DHRS3: variants seen among roughly 807,000 people sequenced by gnomAD.
DHRS3 encodes short-chain dehydrogenase/reductase 3.
Under a neutral mutation model 27.2 loss-of-function variants are expected in DHRS3, and 14 were observed. The observed-to-expected ratio is 0.52, with a 90% CI of 0.34 to 0.81. The LOEUF (loss-of-function observed/expected upper bound fraction) is 0.81. DHRS3 is among the 30% of genes least tolerant of loss of function. The pLI, the probability that DHRS3 is intolerant of heterozygous loss-of-function variation, is 0.01. For synonymous variants in DHRS3, 165 were observed against 175.9 expected (o/e 0.94, Z 0.49); for missense variants, 322 against 406.2 (o/e 0.79, Z 1.78).
At chr1:12,614,107 G>A (rs974710410) in intron 1 of DHRS3, among the ~76,000 whole-genome samples, 29 of 152,244 alleles carry the variant, frequency 1.9e-4, no homozygotes, top group African/African-American at 4.8e-4. Flanking sequence ...TTAGGCCCAC[G>A]TATGTTGCCC....
rs1279676756 is a variant in DHRS3 at position 12,593,154 on chromosome 1, C to T, written c.196-12488G>A. On this transcript the variant is annotated intron_variant, in intron 1 of 5. Coordinates refer to ENST00000616661, the MANE Select transcript of DHRS3 (RefSeq NM_004753.7). This position sits in a 1 kb window ranked among gnomAD's most constrained non-coding sequence, Gnocchi z 4.6. ...CCCTGCTTATGACTACTGATGGCTG[C>T]CCATCTCACAGACTGGAATCTAGTG... Among the ~76,000 whole-genome samples the T allele has an allele frequency of 6.6e-6, 1 of 152,168 alleles. No individual in the cohort carries two copies. Among genetic ancestry groups the T allele is most frequent in the Admixed American group, 6.5e-5 (1 of 15,282 alleles).
In DHRS3 at chr1:12,592,165, T is replaced by C. The variant is rs960859970; in HGVS notation, c.196-11499A>G. 2.6e-5 allele frequency among the ~76,000 whole-genome samples: 4 copies of C among 152,318 alleles called. No individual in the cohort carries two copies. The highest frequency in any genetic ancestry group is 4.1e-4 in the South Asian group (2 of 4,830). On this transcript the variant is annotated intron_variant, in intron 1 of 5. Transcript: ENST00000616661. This position sits in a 1 kb window ranked among gnomAD's most constrained non-coding sequence, Gnocchi z 4.2. ...CTCACCGCCACCACAGTGAACAATC[T>C]GTGGACCTTTACTGCAGGCTGGATC...
At position 12,574,590 on chromosome 1, in the gene DHRS3, C is replaced by T. The variant is rs925198611; in HGVS notation, c.699-1737G>A. Among the ~76,000 whole-genome samples, 7 of 152,152 alleles carry T rather than the reference C, an allele frequency of 4.6e-5. No homozygotes were observed. In the East Asian group the frequency reaches 9.6e-4, roughly 21 times the overall value. The stretch of plus-strand genomic sequence containing the variant: ...ACTGGAGTCCTACAGGTGTCGTGGG[C>T]GGTCTGGATTCTCTGGCTTCCACCT... On this transcript the variant is annotated intron_variant, in intron 4 of 5. Transcript: ENST00000616661. This position sits in a 1 kb window ranked among gnomAD's most constrained non-coding sequence, Gnocchi z 4.6.
At chr1:12,576,150 A>G (rs1270392709) in intron 4 of DHRS3, among the ~76,000 whole-genome samples, 1 of 152,172 alleles carries the variant, frequency 6.6e-6, no homozygotes, top group East Asian at 1.9e-4. Flanking sequence ...TGGCAGGAAA[A>G]CCTTGAATTT....
At chr1:12,596,537 T>C (rs542179631) in intron 1 of DHRS3, among the ~76,000 whole-genome samples, 1 of 151,908 alleles carries the variant, frequency 6.6e-6, no homozygotes, top group Admixed American at 6.5e-5. Context: ...GGGGGCCTGT[T>C]TATCCCGCGG....
At chr1:12,614,702 CTTT>C (rs70987260) in intron 1 of DHRS3, among the ~76,000 whole-genome samples, 1,104 of 92,662 alleles carry the variant, frequency 0.012, 23 homozygotes, top group African/African-American at 0.045. Flanking sequence ...CTCTGGTACA[CTTT>C]TTTTTTTTTT....
chr1:12,575,569 T>C (rs1347565164), intron 4 of DHRS3, among the ~76,000 whole-genome samples: 1 of 152,192 alleles, frequency 6.6e-6, no homozygotes, highest in Non-Finnish European at 1.5e-5. Flanking sequence ...ACTACTCTTC[T>C]GGCCGAGCCC....
At position 12,586,478 on chromosome 1, in the gene DHRS3, C is replaced by A. The variant is rs949353173; in HGVS notation, c.196-5812G>T. 6.6e-6 allele frequency among the ~76,000 whole-genome samples: 1 copy of A among 151,120 alleles called. No individual in the cohort carries two copies. The highest frequency in any genetic ancestry group is 2.4e-5 in the African/African-American group (1 of 41,076). On this transcript the variant is annotated intron_variant, in intron 1 of 5. Transcript: ENST00000616661. This position sits in a 1 kb window ranked among gnomAD's most constrained non-coding sequence, Gnocchi z 5.0. Reference sequence around the variant, plus strand: ...ACAGCCCCGTCCATCCAGCACCACACGGACAGCCGGCTATGGGCTGGGGTG... The same window carrying A: ...ACAGCCCCGTCCATCCAGCACCACAAGGACAGCCGGCTATGGGCTGGGGTG...
chr1:12,577,217 C>A (rs763453715), intron 4 of DHRS3, among the ~76,000 whole-genome samples: 6 of 152,136 alleles, frequency 3.9e-5, no homozygotes, highest in Non-Finnish European at 5.9e-5. Context: ...TTTCATTCAT[C>A]GATGACGTCA....
At chr1:12,585,876 T>C (rs778447746) in intron 1 of DHRS3, among the ~76,000 whole-genome samples, 2 of 152,178 alleles carry the variant, frequency 1.3e-5, no homozygotes, top group Admixed American at 1.3e-4. Context: ...TTCTGAGCCC[T>C]TGGAACCAGT....
chr1:12,602,169 A>G (rs1646839996), intron 1 of DHRS3, among the ~76,000 whole-genome samples: 1 of 116,640 alleles, frequency 8.6e-6, no homozygotes, highest in East Asian at 2.7e-4. Flanking sequence ...CGCAGAGATC[A>G]AAATGACTAA....
intron 1 of DHRS3, chr1:12,600,510 TG>T (rs1646828426): frequency 2.1e-6 from 1 of 476,018 alleles, no homozygotes; most frequent in South Asian, 8.7e-5. Flanking sequence ...AGACGCCATG[TG>T]GGTGTGTCTG....
intron 5 of DHRS3, 54 bp downstream of exon 5, chr1:12,572,674 T>C: frequency 1.3e-6 from 2 of 1,551,068 alleles, no homozygotes; most frequent in Non-Finnish European, 1.7e-6. Context: ...ACATGACTAA[T>C]AGATCACATG....
In DHRS3 at chr1:12,586,323, C is replaced by T. The variant is rs1334753384; in HGVS notation, c.196-5657G>A. Among the ~76,000 whole-genome samples, 4 of 152,234 alleles carry T rather than the reference C, an allele frequency of 2.6e-5. No individual in the cohort carries two copies. Among genetic ancestry groups the T allele is most frequent in the Non-Finnish European group, 1.5e-5 (1 of 68,034 alleles). On this transcript the variant is annotated intron_variant, in intron 1 of 5. Transcript: ENST00000616661. The surrounding 1 kb of genome is among the most constrained non-coding windows in gnomAD (Gnocchi z 5.0). ...GAGCCTTGGCCCTTTGCAGAGGCACCCCTAAGCCCCCAGGCACGGTGGGGT... is the reference window on the plus strand; with the variant it reads ...GAGCCTTGGCCCTTTGCAGAGGCACTCCTAAGCCCCCAGGCACGGTGGGGT...
At chr1:12,579,510 C>G in intron 2 of DHRS3, 98 bp from the exon 3 acceptor site, 2 of 1,507,282 alleles carry the variant, frequency 1.3e-6, no homozygotes, top group Non-Finnish European at 1.8e-6. Flanking sequence ...GAGTCTCACT[C>G]TGTTGTCCAG....
intron 1 of DHRS3, among the ~76,000 whole-genome samples, chr1:12,600,724 GGGGA>G (rs1467893385): frequency 6.6e-5 from 10 of 152,296 alleles, no homozygotes; most frequent in African/African-American, 2.2e-4. Context: ...CGCAGCTGGA[GGGGA>G]GGGAGAGCTG....
intron 3 of DHRS3, 108 bp downstream of exon 3, chr1:12,579,183 GGA>G (rs1646621165): frequency 4.5e-6 from 7 of 1,561,878 alleles, no homozygotes; most frequent in African/African-American, 2.7e-5. Context: ...CCTTGTTCGT[GGA>G]CATCCCTGCT....
At chr1:12,571,198 T>C (rs115930901) in intron 5 of DHRS3, among the ~76,000 whole-genome samples, 1,774 of 152,290 alleles carry the variant, frequency 0.012, 25 homozygotes, top group African/African-American at 0.041. Context: ...CCAAGAAAAC[T>C]GAGTGTGGGA....
In DHRS3 at chr1:12,573,880, C is replaced by T. The variant is rs565779431; in HGVS notation, c.699-1027G>A. ...CCGAGGCTGTATTGAGTCAGTAGGG[C>T]GCTAAGGATTCAAACCTGGCCAATG... On this transcript the variant is annotated intron_variant, in intron 4 of 5. Transcript: ENST00000616661. 7.2e-5 allele frequency among the ~76,000 whole-genome samples: 11 copies of T among 152,284 alleles called. 1 individual carries two copies. The South Asian group carries it at 8.3e-4, about 11-fold the overall frequency.
Sources: allele counts gnomAD v4.1 joint callset (sites outside exome capture counted in the v4.1 genomes callset), GRCh38; gene constraint gnomAD v4.1.1; non-coding constraint Gnocchi (gnomAD v3.1); transcripts MANE v1.5; gene names NCBI Gene and HGNC (gene_info 2026-07-23, HGNC 2026-07-21).